Variants in GALNTL6 observed in about 807,000 individuals in gnomAD.
GALNTL6 encodes the protein polypeptide N-acetylgalactosaminyltransferase like 6, also known as polypeptide N-acetylgalactosaminyltransferase-like 6.
In GALNTL6, 46 loss-of-function variants were observed where a neutral mutation model predicts 73.7. The observed-to-expected ratio is 0.62, with a 90% CI of 0.49 to 0.80. The LOEUF is 0.80. Ranked by LOEUF, GALNTL6 falls within the 30% of genes least tolerant of loss-of-function variation. GALNTL6 has a pLI of 0.00. For missense variants in GALNTL6, 604 were observed against 755.0 expected (o/e 0.80, Z 2.34); for synonymous variants, 259 against 263.7 (o/e 0.98, Z 0.17).
intron 2 of GALNTL6, among the ~76,000 whole-genome samples, chr4:171,858,164 C>T (rs1446447940): frequency 6.6e-6 from 1 of 151,994 alleles, no homozygotes; most frequent in Non-Finnish European, 1.5e-5. Flanking sequence ...TTTATGCTCT[C>T]CAAATTCTGC....
chr4:172,063,052 G>A (rs1731256603), intron 2 of GALNTL6, among the ~76,000 whole-genome samples: 1 of 152,188 alleles, frequency 6.6e-6, no homozygotes, highest in African/African-American at 2.4e-5. Context: ...GTTGGCACCA[G>A]AGTAAGTCTA....
At chr4:172,466,714 G>A (rs778240233) in intron 5 of GALNTL6, among the ~76,000 whole-genome samples, 8 of 152,174 alleles carry the variant, frequency 5.3e-5, no homozygotes, top group Non-Finnish European at 1.2e-4. Context: ...ACCATGAACT[G>A]CTGTCAAATG....
At chr4:172,419,234 AC>A (rs1347231575) in intron 5 of GALNTL6, among the ~76,000 whole-genome samples, 1 of 152,104 alleles carries the variant, frequency 6.6e-6, no homozygotes, top group African/African-American at 2.4e-5. Context: ...TTGATTAAAG[AC>A]CAGGCTTTCA....
chr4:172,357,844 A>G (rs1397641171), intron 5 of GALNTL6, among the ~76,000 whole-genome samples: 1 of 152,156 alleles, frequency 6.6e-6, no homozygotes. Context: ...TAGCTCTATC[A>G]CTTGACAGCT....
At chr4:172,894,468 G>A (rs1002439018) in intron 8 of GALNTL6, among the ~76,000 whole-genome samples, 6 of 151,976 alleles carry the variant, frequency 3.9e-5, no homozygotes, top group Non-Finnish European at 8.8e-5. Context: ...GTCATTCAGG[G>A]CATATTGTTT....
chr4:172,182,514 T>C (rs1345370342), intron 2 of GALNTL6, among the ~76,000 whole-genome samples: 1 of 148,388 alleles, frequency 6.7e-6, no homozygotes, highest in African/African-American at 2.5e-5. Flanking sequence ...TATTTTATAT[T>C]TAAAATACAT....
chr4:172,762,853 C>G (rs1308953941), intron 5 of GALNTL6, among the ~76,000 whole-genome samples: 14 of 148,420 alleles, frequency 9.4e-5, no homozygotes, highest in Non-Finnish European at 3.0e-5. Flanking sequence ...TTGGAGGACT[C>G]AAAGATCAGA....
chr4:172,166,490 A>G (rs961993250), intron 2 of GALNTL6, among the ~76,000 whole-genome samples: 27 of 152,174 alleles, frequency 1.8e-4, no homozygotes, highest in Admixed American at 1.7e-3. Context: ...ATATTCTCCC[A>G]TCAATAAATA....
intron 5 of GALNTL6, among the ~76,000 whole-genome samples, chr4:172,578,722 G>T (rs888549848): frequency 1.3e-5 from 2 of 152,184 alleles, no homozygotes; most frequent in East Asian, 3.8e-4. Flanking sequence ...TTAGCTAGAT[G>T]TGTTAAATCT....
At chr4:172,415,804 G>A (rs1206393118) in intron 5 of GALNTL6, among the ~76,000 whole-genome samples, 2 of 152,246 alleles carry the variant, frequency 1.3e-5, no homozygotes, top group African/African-American at 4.8e-5. Context: ...GTGACCGGGG[G>A]CTGCCTGCAC....
At chr4:172,839,547 A>G (rs933385187) in intron 7 of GALNTL6, among the ~76,000 whole-genome samples, 8 of 152,208 alleles carry the variant, frequency 5.3e-5, no homozygotes, top group Non-Finnish European at 7.3e-5. Context: ...TATCTGAAGT[A>G]TTATCTGAAA....
chr4:172,899,818 G>A (rs779765024), intron 8 of GALNTL6, among the ~76,000 whole-genome samples: 4 of 152,238 alleles, frequency 2.6e-5, no homozygotes, highest in Middle Eastern at 3.4e-3. Flanking sequence ...GATTATTCGC[G>A]CCTCCCCTTT....
In GALNTL6 at chr4:172,609,507, G is replaced by A. The variant is rs79394928; in HGVS notation, c.554-199854G>A. The stretch of plus-strand genomic sequence containing the variant: ...GGGATAAAACCTACTTGATCATGGC[G>A]CAGAAGCCTTTTGATGTGCTGCCAG... On this transcript the variant is annotated intron_variant, in intron 5 of 12. Coordinates refer to ENST00000506823, the MANE Select transcript of GALNTL6 (RefSeq NM_001034845.3). 9.5e-3 allele frequency among the ~76,000 whole-genome samples: 1,440 copies of A among 152,134 alleles called. 18 individuals carry two copies. The highest frequency in any genetic ancestry group is 0.029 in the African/African-American group (1,216 of 41,516).
At chr4:171,837,909 G>A (rs1293811691) in intron 2 of GALNTL6, among the ~76,000 whole-genome samples, 2 of 150,864 alleles carry the variant, frequency 1.3e-5, no homozygotes, top group African/African-American at 2.4e-5. Flanking sequence ...TCTTTGATAG[G>A]TTGGCATGTT....
At chr4:172,031,569 C>T (rs549974347) in intron 2 of GALNTL6, among the ~76,000 whole-genome samples, 2 of 152,116 alleles carry the variant, frequency 1.3e-5, no homozygotes, top group South Asian at 4.2e-4. Flanking sequence ...CTGAGGTTAT[C>T]TTTATTGAGT....
chr4:172,939,952 T>C (rs1748830713), intron 9 of GALNTL6, among the ~76,000 whole-genome samples: 1 of 152,168 alleles, frequency 6.6e-6, no homozygotes, highest in South Asian at 2.1e-4. Flanking sequence ...AACTATATAT[T>C]TTGTTAGTTT....
At chr4:172,834,746 T>C (rs1409151022) in intron 7 of GALNTL6, among the ~76,000 whole-genome samples, 1 of 152,210 alleles carries the variant, frequency 6.6e-6, no homozygotes, top group Non-Finnish European at 1.5e-5. Flanking sequence ...GCTAATCAAA[T>C]GGCCATTGGC....
At chr4:172,046,378 A>G (rs1337696652) in intron 2 of GALNTL6, among the ~76,000 whole-genome samples, 2 of 152,130 alleles carry the variant, frequency 1.3e-5, no homozygotes, top group Non-Finnish European at 2.9e-5. Context: ...ATAGGTATAC[A>G]TGTGTCATGT....
At chr4:172,671,864 T>C (rs1732006355) in intron 5 of GALNTL6, among the ~76,000 whole-genome samples, 3 of 152,102 alleles carry the variant, frequency 2.0e-5, no homozygotes, top group African/African-American at 7.2e-5. Context: ...TTTGGTTTTT[T>C]GTTTTCTTGT....
Sources: allele counts gnomAD v4.1 joint callset (sites outside exome capture counted in the v4.1 genomes callset), GRCh38; gene constraint gnomAD v4.1.1; transcripts MANE v1.5; gene names NCBI Gene and HGNC (gene_info 2026-07-23, HGNC 2026-07-21).